Variants in UBE2H observed in about 807,000 individuals in gnomAD.
UBE2H encodes ubiquitin-conjugating enzyme E2 H.
In UBE2H, 3 loss-of-function variants were observed where a neutral mutation model predicts 29.0. The observed-to-expected ratio is 0.10, with a 90% CI of 0.05 to 0.27. The LOEUF is 0.27. UBE2H is among the 10% of genes least tolerant of loss of function. The pLI, the probability that UBE2H is intolerant of heterozygous loss-of-function variation, is 1.00. For missense variants in UBE2H, 68 were observed against 228.2 expected, an observed-to-expected ratio of 0.30 and a Z score of 4.52; for synonymous variants, 69 against 82.9, an observed-to-expected ratio of 0.83 and a Z score of 0.91.
At chr7:129,942,036 CCT>C (rs776842994) in intron 1 of UBE2H, among the ~76,000 whole-genome samples, 5 of 151,824 alleles carry the variant, frequency 3.3e-5, no homozygotes, top group Non-Finnish European at 7.4e-5. Flanking sequence ...ATGGCGCAAC[CCT>C]GTTTCTACGA....
chr7:129,926,488 A>C (rs1807272691), intron 1 of UBE2H, among the ~76,000 whole-genome samples: 1 of 150,874 alleles, frequency 6.6e-6, no homozygotes, highest in African/African-American at 2.4e-5. Flanking sequence ...CGCCTGGGCA[A>C]CAAGAGCTAA....
intron 3 of UBE2H, among the ~76,000 whole-genome samples, chr7:129,861,607 A>G (rs1805804750): frequency 1.3e-5 from 2 of 152,204 alleles, no homozygotes; most frequent in Admixed American, 1.3e-4. Context: ...TTATCATAGT[A>G]TCAGCTGGCC....
intron 3 of UBE2H, among the ~76,000 whole-genome samples, chr7:129,860,290 T>A (rs1805776531): frequency 6.6e-6 from 1 of 152,198 alleles, no homozygotes; most frequent in South Asian, 2.1e-4. Context: ...TAATGTTCTA[T>A]CTACTACAAT....
chr7:129,909,020 C>T (rs2116442066), intron 1 of UBE2H, among the ~76,000 whole-genome samples: 1 of 152,288 alleles, frequency 6.6e-6, no homozygotes, highest in Admixed American at 6.5e-5. Context: ...CTGAAGTACA[C>T]TATTTAACTC....
At chr7:129,926,163 A>AT (rs1190307244) in intron 1 of UBE2H, among the ~76,000 whole-genome samples, 3 of 152,084 alleles carry the variant, frequency 2.0e-5, no homozygotes, top group Non-Finnish European at 2.9e-5. Context: ...AAAGTCTATG[A>AT]TTTTTTCTTT....
intron 1 of UBE2H, among the ~76,000 whole-genome samples, chr7:129,907,118 T>C (rs367846694): frequency 7.4e-6 from 1 of 134,426 alleles, no homozygotes; most frequent in East Asian, 2.3e-4. Flanking sequence ...TCAAAAGCCA[T>C]TTATTAGGGG....
At chr7:129,867,726 A>AAAAAAAAAAAAAAAAAAAAAAAAAAAAC (rs1805940789) in intron 3 of UBE2H, among the ~76,000 whole-genome samples, 1 of 106,024 alleles carries the variant, frequency 9.4e-6, no homozygotes, top group South Asian at 3.0e-4. Flanking sequence ...AAGAAAACCA[A>AAAAAAAAAAAAAAAAAAAAAAAAAAAAC]AAAAAAAAAA....
At chr7:129,929,667 G>A (rs1314875824) in intron 1 of UBE2H, among the ~76,000 whole-genome samples, 4 of 152,220 alleles carry the variant, frequency 2.6e-5, no homozygotes, top group South Asian at 4.1e-4. Flanking sequence ...AGCTAAATGT[G>A]TATTTACATG....
Position 129,833,273 on chromosome 7 carries a change from A to T in UBE2H, c.*1664T>A, listed in dbSNP as rs1805263980. The T allele has an allele frequency of 6.6e-6, 1 of 152,654 alleles. No homozygotes were observed. The highest frequency in any genetic ancestry group is 2.1e-4 in the South Asian group (1 of 4,832). 9.5% of individuals were successfully genotyped at this position (152,654 alleles called of 1,614,324 possible). A position where few individuals can be genotyped will look rare whatever the true frequency, so the allele number is the denominator to read the frequency against. Reference sequence around the variant, plus strand: ...GAATAAAAAAGATAGGGTATCTTCCAACCTCACTGACTTAAACCTTGTGGA... The same window carrying T: ...GAATAAAAAAGATAGGGTATCTTCCTACCTCACTGACTTAAACCTTGTGGA... On this transcript the variant is annotated 3_prime_UTR_variant, in exon 7 of 7. Coordinates refer to ENST00000355621, the MANE Select transcript of UBE2H (RefSeq NM_003344.4).
At position 129,919,393 on chromosome 7, in the gene UBE2H, T is replaced by C. The variant is rs57085267; in HGVS notation, c.53+33110A>G. ...CACCCTACTTAAAACCTTCAATGAG[T>C]CTGGTGCCGGCAGCATACAACTCCA... On this transcript the variant is annotated intron_variant, in intron 1 of 6. Transcript: ENST00000355621. Among the ~76,000 whole-genome samples, 1,066 of 152,108 alleles carry C rather than the reference T, an allele frequency of 7.0e-3. 11 individuals are homozygous for C. The highest frequency in any genetic ancestry group is 0.024 in the African/African-American group (1,007 of 41,494).
intron 1 of UBE2H, among the ~76,000 whole-genome samples, chr7:129,935,751 CAACA>C (rs1015789726): frequency 1.3e-5 from 2 of 152,142 alleles, no homozygotes; most frequent in Non-Finnish European, 2.9e-5. Context: ...ATTTTTCACA[CAACA>C]AACATGACTA....
At chr7:129,862,923 C>A (rs1258662062) in intron 3 of UBE2H, among the ~76,000 whole-genome samples, 1 of 152,146 alleles carries the variant, frequency 6.6e-6, no homozygotes, top group Non-Finnish European at 1.5e-5. Flanking sequence ...CAGCTCACAG[C>A]ACCTGAGTGC....
At chr7:129,897,698 C>T (rs1276437446) in intron 1 of UBE2H, among the ~76,000 whole-genome samples, 2 of 152,156 alleles carry the variant, frequency 1.3e-5, no homozygotes, top group Non-Finnish European at 1.5e-5. Flanking sequence ...TGGCTTTATT[C>T]AACTGGGCCC....
At chr7:129,872,475 T>A (rs955080694) in intron 3 of UBE2H, among the ~76,000 whole-genome samples, 1 of 152,162 alleles carries the variant, frequency 6.6e-6, no homozygotes, top group South Asian at 2.1e-4. Context: ...GTATAATGCC[T>A]GAACAGTCTA....
chr7:129,920,924 T>A (rs12533528), intron 1 of UBE2H, among the ~76,000 whole-genome samples: 9,282 of 146,796 alleles, frequency 0.063, 364 homozygotes, highest in Non-Finnish European at 0.092. Flanking sequence ...ACTGTTTAGG[T>A]GGTCAAAGTG....
chr7:129,837,914 G>A (rs569498894), intron 6 of UBE2H, among the ~76,000 whole-genome samples: 3 of 152,264 alleles, frequency 2.0e-5, no homozygotes, highest in African/African-American at 4.8e-5. Flanking sequence ...TTTTGTAAAT[G>A]GGACTATAGC....
At chr7:129,865,734 GAAC>G (rs1457417629) in intron 3 of UBE2H, among the ~76,000 whole-genome samples, 3 of 152,208 alleles carry the variant, frequency 2.0e-5, no homozygotes, top group Non-Finnish European at 4.4e-5. Context: ...TCTATCTTCA[GAAC>G]AACTGCCCAC....
intron 1 of UBE2H, among the ~76,000 whole-genome samples, chr7:129,945,976 C>T (rs1208941000): frequency 6.6e-6 from 1 of 151,908 alleles, no homozygotes; most frequent in Non-Finnish European, 1.5e-5. Flanking sequence ...AAACTCCTGA[C>T]CTCAGGTGAT....
At chr7:129,869,127 G>C (rs911534177) in intron 3 of UBE2H, among the ~76,000 whole-genome samples, 2 of 151,906 alleles carry the variant, frequency 1.3e-5, no homozygotes, top group Non-Finnish European at 2.9e-5. Flanking sequence ...GTATAGAGAC[G>C]GGGTTTCTCT....
Sources: gnomAD v4.1 joint callset for allele counts (sites outside exome capture counted in the v4.1 genomes callset) on GRCh38, gnomAD v4.1.1 for gene constraint, MANE v1.5 for transcripts, NCBI Gene and HGNC (gene_info 2026-07-23, HGNC 2026-07-21) for gene names.